The following CHP1 variants were observed in gnomAD, a reference collection of about 807,000 sequenced individuals.
CHP1 encodes calcineurin B homologous protein 1.
A neutral mutation model predicts 27.4 loss-of-function variants in CHP1; 11 were observed. That is an observed-to-expected ratio of 0.40 (90% CI 0.25 to 0.67). The LOEUF (loss-of-function observed/expected upper bound fraction) is 0.67, where lower values mean the gene tolerates loss of function less well. Among genes scored for constraint, CHP1 ranks in the 30% least tolerant of loss-of-function variants. The pLI is 0.38. For missense variants in CHP1, 169 were observed against 251.3 expected (o/e 0.67, Z 2.22); for synonymous variants, 89 against 87.4 (o/e 1.02, Z -0.10).
intron 2 of CHP1, among the ~76,000 whole-genome samples, chr15:41,253,070 C>T (rs867696177): frequency 6.7e-6 from 1 of 150,144 alleles, no homozygotes; most frequent in South Asian, 2.1e-4. Context: ...TCCAGAGTAG[C>T]TGGGACTACA....
At chr15:41,270,782 G>C (rs1159961388) in intron 5 of CHP1, among the ~76,000 whole-genome samples, 164 bp downstream of exon 5, 1 of 152,122 alleles carries the variant, frequency 6.6e-6, no homozygotes, top group East Asian at 1.9e-4. Context: ...ACTTGAAATG[G>C]CTCATTGTGT....
At chr15:41,271,750 C>T (rs910376911) in intron 5 of CHP1, among the ~76,000 whole-genome samples, 1 of 152,152 alleles carries the variant, frequency 6.6e-6, no homozygotes. Context: ...AGGAGCAACC[C>T]AACGTATTCT....
chr15:41,264,142 T>A, intron 4 of CHP1: 1 of 1,262,222 alleles, frequency 7.9e-7, no homozygotes, highest in Non-Finnish European at 1.0e-6. Context: ...AGGGCTTTTT[T>A]TTTTCTTGTT....
intron 1 of CHP1, among the ~76,000 whole-genome samples, chr15:41,232,578 G>A (rs1219310866): frequency 1.3e-5 from 2 of 151,984 alleles, no homozygotes; most frequent in African/African-American, 2.4e-5. Context: ...AAAAGGACTC[G>A]GGATTCTGAA....
chr15:41,240,082 C>G (rs1341714712), intron 1 of CHP1, among the ~76,000 whole-genome samples: 2 of 152,124 alleles, frequency 1.3e-5, no homozygotes, highest in African/African-American at 2.4e-5. Flanking sequence ...GCCACCACGC[C>G]CAGCCTCAGT....
intron 5 of CHP1, among the ~76,000 whole-genome samples, chr15:41,274,573 T>A (rs1034292939): frequency 6.6e-6 from 1 of 152,004 alleles, no homozygotes; most frequent in Admixed American, 6.6e-5. Flanking sequence ...GGTGAAATGA[T>A]GTTAAAGACA....
intron 2 of CHP1, among the ~76,000 whole-genome samples, chr15:41,252,834 A>G (rs976931211): frequency 1.3e-5 from 2 of 152,032 alleles, no homozygotes; most frequent in Admixed American, 1.3e-4. Context: ...TTCTAAAAAA[A>G]TCTTCAAGGA....
At chr15:41,232,430 C>G (rs1463408611) in intron 1 of CHP1, among the ~76,000 whole-genome samples, 1 of 151,798 alleles carries the variant, frequency 6.6e-6, no homozygotes, top group Non-Finnish European at 1.5e-5. Context: ...CGGCTGGCCT[C>G]GAACTCCTGA....
At chr15:41,231,586 G>T (rs1488813185) in intron 1 of CHP1, 137 bp downstream of exon 1, 18 of 756,860 alleles carry the variant, frequency 2.4e-5, no homozygotes, top group Non-Finnish European at 3.8e-5. Flanking sequence ...TGGGGACCGA[G>T]AGCTGGAAGA....
chr15:41,240,576 A>G (rs1484898901), intron 1 of CHP1, among the ~76,000 whole-genome samples: 1 of 151,918 alleles, frequency 6.6e-6, no homozygotes, highest in Non-Finnish European at 1.5e-5. Flanking sequence ...CAACATGGAG[A>G]AACCCTGTCT....
chr15:41,278,623 TA>T, intron 5 of CHP1, 143 bp from the exon 6 acceptor site: 1 of 931,614 alleles, frequency 1.1e-6, no homozygotes, highest in Non-Finnish European at 1.6e-6. Flanking sequence ...AGTCGGTCAT[TA>T]ACCAAAACAT....
chr15:41,264,136 CTTT>C, intron 4 of CHP1: 1 of 1,093,238 alleles, frequency 9.1e-7, no homozygotes, highest in African/African-American at 1.6e-5. Flanking sequence ...GTTAACAGGG[CTTT>C]TTTTTTTCTT....
In CHP1 at chr15:41,247,269, T is replaced by C. The variant is rs1037099270; in HGVS notation, c.140+3530T>C. ...CTGGAATTCCAGGTACTTGGGAGGTTGAGGCAGGAAAATTGCTTGAACCCG... is the reference window on the plus strand; with the variant it reads ...CTGGAATTCCAGGTACTTGGGAGGTCGAGGCAGGAAAATTGCTTGAACCCG... On this transcript the variant is annotated intron_variant, in intron 2 of 6. Transcript: ENST00000334660. Among the ~76,000 whole-genome samples the C allele has an allele frequency of 1.4e-3, 206 of 151,800 alleles. 2 individuals are homozygous for C. Among genetic ancestry groups the C allele is most frequent in the African/African-American group, 4.8e-3 (198 of 41,356 alleles).
At chr15:41,243,517 T>C in intron 1 of CHP1, 150 bp from the exon 2 acceptor site, 1 of 593,110 alleles carries the variant, frequency 1.7e-6, no homozygotes, top group South Asian at 2.3e-5. Context: ...TTTCATTCTT[T>C]AGCTTTTAAA....
chr15:41,261,844 T>C (rs1485665661), intron 3 of CHP1, among the ~76,000 whole-genome samples: 1 of 151,950 alleles, frequency 6.6e-6, no homozygotes, highest in East Asian at 1.9e-4. Flanking sequence ...AATATAAAAT[T>C]AGCTGAGCGT....
chr15:41,264,396 G>A (rs190107503), intron 4 of CHP1, among the ~76,000 whole-genome samples: 23 of 152,226 alleles, frequency 1.5e-4, no homozygotes, highest in Non-Finnish European at 1.3e-4. Flanking sequence ...GGATGAGATA[G>A]AATAATAACA....
chr15:41,239,132 A>T (rs555419960), intron 1 of CHP1, among the ~76,000 whole-genome samples: 3 of 152,238 alleles, frequency 2.0e-5, no homozygotes, highest in Non-Finnish European at 4.4e-5. Context: ...TTAGTACCTA[A>T]ATTAAAGCCT....
chr15:41,254,457 T>C (rs1163200852), intron 2 of CHP1, among the ~76,000 whole-genome samples: 1 of 152,256 alleles, frequency 6.6e-6, no homozygotes, highest in African/African-American at 2.4e-5. Context: ...TTGATGATAG[T>C]GTAGACTTTG....
At chr15:41,258,141 T>C (rs2047412257) in intron 3 of CHP1, among the ~76,000 whole-genome samples, 1 of 152,194 alleles carries the variant, frequency 6.6e-6, no homozygotes, top group Non-Finnish European at 1.5e-5. Flanking sequence ...CATACATACA[T>C]GTATGTATAT....
Sources: gnomAD v4.1 joint callset for allele counts (sites outside exome capture counted in the v4.1 genomes callset) on GRCh38, gnomAD v4.1.1 for gene constraint, MANE v1.5 for transcripts, NCBI Gene and HGNC (gene_info 2026-07-23, HGNC 2026-07-21) for gene names.